The following IKZF3 variants were observed in gnomAD, a reference collection of about 807,000 sequenced individuals.
IKZF3 encodes the protein IKAROS family zinc finger 3, also known as zinc finger protein Aiolos.
In IKZF3, 10 loss-of-function variants were observed where a neutral mutation model predicts 49.0. That is an observed-to-expected ratio of 0.20 (90% CI 0.13 to 0.35). The LOEUF is 0.35. IKZF3 is among the 10% of genes least tolerant of loss of function. The pLI is 1.00. For missense variants in IKZF3, 498 were observed against 664.8 expected, an observed-to-expected ratio of 0.75 and a Z score of 2.76; for synonymous variants, 209 against 228.2, an observed-to-expected ratio of 0.92 and a Z score of 0.76.
chr17:39,851,906 T>C lies in IKZF3; in HGVS notation c.7+12214A>G, dbSNP rs568727051. Among the ~76,000 whole-genome samples, 20 of 152,306 alleles carry C rather than the reference T, an allele frequency of 1.3e-4. 1 individual carries two copies. The South Asian group carries it at 4.1e-3, about 32-fold the overall frequency. On this transcript the variant is annotated intron_variant, in intron 1 of 7. Transcript: ENST00000346872. ...TATCTTCTTGCTTTTGAAAAAAACT[T>C]TGAATCTCAAGAGTTTCTCATGATT...
At chr17:39,822,233 C>T (rs1214047391) in intron 3 of IKZF3, among the ~76,000 whole-genome samples, 1 of 152,138 alleles carries the variant, frequency 6.6e-6, no homozygotes, top group Non-Finnish European at 1.5e-5. Flanking sequence ...ATTGAATATG[C>T]CCATTACCCA....
chr17:39,826,772 G>C (rs886594318), intron 3 of IKZF3, among the ~76,000 whole-genome samples: 4 of 152,204 alleles, frequency 2.6e-5, no homozygotes, highest in Non-Finnish European at 5.9e-5. Context: ...TAGACAGGAT[G>C]GGGGATGCTA....
intron 4 of IKZF3, 39 bp downstream of exon 4, chr17:39,792,634 G>A (rs1246468011): frequency 6.3e-7 from 1 of 1,586,524 alleles, no homozygotes; most frequent in Non-Finnish European, 8.6e-7. Context: ...GGCTGCATTA[G>A]GAGAGTTTTC....
chr17:39,808,525 A>G (rs2144073442), intron 3 of IKZF3, among the ~76,000 whole-genome samples: 1 of 152,242 alleles, frequency 6.6e-6, no homozygotes, highest in South Asian at 2.1e-4. Context: ...GCTTTTATGG[A>G]CCATACTGTC....
At chr17:39,835,736 G>A in intron 1 of IKZF3, 2 of 510,184 alleles carry the variant, frequency 3.9e-6, no homozygotes, top group Non-Finnish European at 7.7e-6. Flanking sequence ...GCTGCCTGAG[G>A]AAGCTGATCT....
rs1452186960 is a variant in IKZF3, at chr17:39,792,540, CAG to C, written c.424+131_424+132del. 154 of 880,850 alleles carry C rather than the reference CAG, an allele frequency of 1.7e-4. 1 individual carries two copies. Among genetic ancestry groups the C allele is most frequent in the Non-Finnish European group, 2.1e-4 (120 of 578,920 alleles). 54.6% of individuals were successfully genotyped at this position (880,850 alleles called of 1,614,324 possible). On this transcript the variant is annotated intron_variant, in intron 4 of 7. Coordinates refer to ENST00000346872, the MANE Select transcript of IKZF3 (RefSeq NM_012481.5). ...AAAAAGCACTGAGTGAACAGCAATG[CAG>C]AGAGAGAGATACATCAGCATTATAG...
intron 3 of IKZF3, among the ~76,000 whole-genome samples, chr17:39,818,772 C>T (rs1362469134): frequency 2.0e-5 from 3 of 152,156 alleles, no homozygotes; most frequent in Non-Finnish European, 4.4e-5. Context: ...GCACGAGAAT[C>T]ACTTGAAATT....
At chr17:39,847,893 TA>T (rs779107913) in intron 1 of IKZF3, among the ~76,000 whole-genome samples, 12 of 152,330 alleles carry the variant, frequency 7.9e-5, no homozygotes, top group Admixed American at 5.9e-4. Flanking sequence ...TCAGAGAATT[TA>T]AATCGTGTTT....
At chr17:39,800,922 G>A (rs1164507759) in intron 3 of IKZF3, among the ~76,000 whole-genome samples, 3 of 152,194 alleles carry the variant, frequency 2.0e-5, no homozygotes, top group Admixed American at 1.3e-4. Flanking sequence ...TGCTCAGTTG[G>A]AGAGAAGAAC....
At chr17:39,833,825 A>G (rs1238518769) in intron 1 of IKZF3, among the ~76,000 whole-genome samples, 1 of 152,152 alleles carries the variant, frequency 6.6e-6, no homozygotes, top group African/African-American at 2.4e-5. Context: ...CCCCACACCC[A>G]ATTTCCCCTA....
intron 5 of IKZF3, among the ~76,000 whole-genome samples, chr17:39,790,122 T>G (rs1598014541): frequency 6.6e-6 from 1 of 152,258 alleles, no homozygotes; most frequent in South Asian, 2.1e-4. Flanking sequence ...ATTTGTCAGT[T>G]TTAGGGGCTA....
At chr17:39,824,847 C>T (rs549072244) in intron 3 of IKZF3, among the ~76,000 whole-genome samples, 4 of 152,228 alleles carry the variant, frequency 2.6e-5, no homozygotes, top group African/African-American at 9.6e-5. Flanking sequence ...AGGTGCCCAC[C>T]ACCACACCTG....
chr17:39,774,343 T>C (rs1055806683), intron 7 of IKZF3, among the ~76,000 whole-genome samples: 4 of 148,526 alleles, frequency 2.7e-5, no homozygotes, highest in Non-Finnish European at 5.9e-5. Flanking sequence ...AGAGGAAATA[T>C]AGGAGAAAGG....
chr17:39,795,655 C>T (rs915854922), intron 3 of IKZF3, among the ~76,000 whole-genome samples: 9 of 151,938 alleles, frequency 5.9e-5, no homozygotes, highest in Non-Finnish European at 8.8e-5. Flanking sequence ...GATCCACCCT[C>T]CTTGGCCTCC....
At chr17:39,832,277 A>G (rs1279556632) in intron 1 of IKZF3, 126 bp from the exon 2 acceptor site, 1 of 612,240 alleles carries the variant, frequency 1.6e-6, no homozygotes, top group Non-Finnish European at 2.9e-6. Context: ...TCAGAGCAAG[A>G]TTACTCTTTC....
intron 1 of IKZF3, among the ~76,000 whole-genome samples, chr17:39,833,568 G>A (rs949767330): frequency 6.6e-6 from 1 of 152,058 alleles, no homozygotes; most frequent in African/African-American, 2.4e-5. Flanking sequence ...ATAATGTTTT[G>A]AGATACATCC....
intron 1 of IKZF3, chr17:39,839,575 G>T (rs566171205): frequency 8.2e-6 from 4 of 486,318 alleles, no homozygotes; most frequent in African/African-American, 6.3e-5. Flanking sequence ...AAGGAAGAGA[G>T]GACTGTTTCT....
At chr17:39,838,979 G>A (rs146780670) in intron 1 of IKZF3, among the ~76,000 whole-genome samples, 9 of 152,054 alleles carry the variant, frequency 5.9e-5, no homozygotes, top group African/African-American at 1.9e-4. Context: ...GACTACAGGT[G>A]TGTGCCACCA....
chr17:39,781,930 G>A (rs192939389), intron 6 of IKZF3, among the ~76,000 whole-genome samples: 4 of 152,290 alleles, frequency 2.6e-5, no homozygotes, highest in Admixed American at 6.5e-5. Context: ...CATGGGTGGA[G>A]ACTTTCCCAT....
Sources: gnomAD v4.1 joint callset for allele counts (sites outside exome capture counted in the v4.1 genomes callset) on GRCh38, gnomAD v4.1.1 for gene constraint, MANE v1.5 for transcripts, NCBI Gene and HGNC (gene_info 2026-07-23, HGNC 2026-07-21) for gene names.